Variants in ATP2A2 observed in about 807,000 individuals in gnomAD.
ATP2A2 encodes ATPase sarcoplasmic/endoplasmic reticulum Ca2+ transporting 2.
Under a neutral mutation model 109.3 loss-of-function variants are expected in ATP2A2, and 14 were observed. The ratio of observed to expected loss-of-function variants is 0.13; its 90% CI spans 0.08 to 0.20. The LOEUF (loss-of-function observed/expected upper bound fraction) is 0.20, where lower values mean the gene tolerates loss of function less well. ATP2A2 is among the 10% of genes least tolerant of loss of function. The pLI, the probability that ATP2A2 is intolerant of heterozygous loss-of-function variation, is 1.00. For missense variants in ATP2A2, 657 were observed against 1,321.6 expected (o/e 0.50, Z 7.80); for synonymous variants, 506 against 490.9 (o/e 1.03, Z -0.41).
intron 5 of ATP2A2, among the ~76,000 whole-genome samples, chr12:110,299,191 C>T (rs368246698): frequency 1.3e-5 from 2 of 151,830 alleles, no homozygotes; most frequent in East Asian, 2.0e-4. Context: ...AGGCTGGTCT[C>T]TCAAACTCCT....
intron 16 of ATP2A2, among the ~76,000 whole-genome samples, chr12:110,344,435 C>G (rs1301504526): frequency 4.6e-5 from 7 of 152,178 alleles, no homozygotes; most frequent in Non-Finnish European, 1.0e-4. Context: ...CCCTAGAAAA[C>G]TGCTGCTGGG....
chr12:110,321,496 AGTCTCGCTCT>A (rs1877240217), intron 5 of ATP2A2, among the ~76,000 whole-genome samples: 1 of 152,180 alleles, frequency 6.6e-6, no homozygotes, highest in African/African-American at 2.4e-5. Flanking sequence ...TTTGAGACAA[AGTCTCGCTCT>A]GTCTCCAAAG....
intron 5 of ATP2A2, among the ~76,000 whole-genome samples, chr12:110,301,995 C>T (rs1176221096): frequency 1.3e-5 from 2 of 152,124 alleles, no homozygotes; most frequent in Non-Finnish European, 2.9e-5. Context: ...ACTGAAATTT[C>T]ATTTTCTATA....
At chr12:110,318,700 C>G (rs888744481) in intron 5 of ATP2A2, among the ~76,000 whole-genome samples, 5 of 152,202 alleles carry the variant, frequency 3.3e-5, no homozygotes, top group African/African-American at 1.2e-4. Flanking sequence ...TCTTGAACTC[C>G]TGACCTCAGG....
chr12:110,326,802 T>G (rs956726946), intron 7 of ATP2A2, among the ~76,000 whole-genome samples: 4 of 152,206 alleles, frequency 2.6e-5, no homozygotes, highest in African/African-American at 9.6e-5. Flanking sequence ...CAGCTGCTAT[T>G]TGTATGTGGT....
At position 110,342,419 on chromosome 12, in the gene ATP2A2, C is replaced by T; in HGVS notation, c.2289C>T (p.Leu763=). The T allele has an allele frequency of 1.2e-6, 2 of 1,613,944 alleles. No homozygotes were observed. The highest frequency in any genetic ancestry group is 1.7e-6 in the Non-Finnish European group (2 of 1,180,042). ...ACATGAAACAGTTCATCCGCTACCTCATCTCGTCCAACGTCGGGGAAGTTG... is the reference window on the plus strand; with the variant it reads ...ACATGAAACAGTTCATCCGCTACCTTATCTCGTCCAACGTCGGGGAAGTTG... The part of the protein sequence containing the change: ...YNNMKQFIRY[L]ISSNVGEVVC... Residue 763 remains leucine (L), a synonymous_variant, in exon 15 of 20, where the codon CTC becomes CTT. Coordinates refer to ENST00000539276, the MANE Select transcript of ATP2A2 (RefSeq NM_170665.4). The surrounding 1 kb of genome is among the most constrained non-coding windows in gnomAD (Gnocchi z 4.6).
chr12:110,316,600 T>A (rs187587831), intron 5 of ATP2A2, among the ~76,000 whole-genome samples: 15 of 152,286 alleles, frequency 9.8e-5, no homozygotes, highest in Non-Finnish European at 1.9e-4. Context: ...GGTATAGTGG[T>A]AGGGCTAGGA....
At chr12:110,288,101 CTTTTTTTTTTT>C (rs71083111) in intron 3 of ATP2A2, among the ~76,000 whole-genome samples, 3 of 87,300 alleles carry the variant, frequency 3.4e-5, no homozygotes, top group African/African-American at 1.1e-4. Flanking sequence ...ATGCTTTGCC[CTTTTTTTTTTT>C]TTTTTTTTTT....
At chr12:110,291,128 G>A (rs1330689795) in intron 3 of ATP2A2, among the ~76,000 whole-genome samples, 2 of 151,764 alleles carry the variant, frequency 1.3e-5, no homozygotes, top group Non-Finnish European at 2.9e-5. Flanking sequence ...GGCTGGTCTC[G>A]AGCTCCAGAC....
rs1462645113 is a variant in ATP2A2, at chr12:110,327,621, C to A, written c.699C>A (p.Gly233=). ...VVATGVNTEI[G]KIRDEMVATE... ...CAACTGGAGTTAACACCGAAATTGG[C>A]AAGATCCGGGATGAAATGGTGGCAA... is the stretch of plus-strand genomic sequence containing the variant. Residue 233 remains glycine, a synonymous_variant, in exon 8 of 20, where the codon GGC becomes GGA. Transcript: ENST00000539276. This position sits in a 1 kb window ranked among gnomAD's most constrained non-coding sequence, Gnocchi z 4.4. The A allele has an allele frequency of 6.2e-7, 1 of 1,614,000 alleles. No homozygotes were observed. Among genetic ancestry groups the A allele is most frequent in the Non-Finnish European group, 8.5e-7 (1 of 1,180,020 alleles).
intron 4 of ATP2A2, among the ~76,000 whole-genome samples, chr12:110,294,615 C>G (rs762154516): frequency 6.6e-6 from 1 of 151,958 alleles, no homozygotes; most frequent in Non-Finnish European, 1.5e-5. Context: ...TGCCACTGCA[C>G]TCGAGCCTGG....
In ATP2A2 at chr12:110,346,266, C is replaced by T. The variant is rs147558863; in HGVS notation, c.2925C>T (p.Pro975=). 6.1e-5 allele frequency: 99 copies of T among 1,614,136 alleles called. 1 individual carries two copies. The Admixed American group carries it at 9.5e-4, about 15-fold the overall frequency. Residue 975 remains proline, a synonymous_variant, in exon 20 of 20, where the codon CCC becomes CCT. Coordinates refer to ENST00000539276, the MANE Select transcript of ATP2A2 (RefSeq NM_170665.4). ...QWLMVLKISL[P]VILMDETLKF... ...TGATGGTGCTGAAAATCTCCTTGCC[C>T]GTGATTCTCATGGATGAGACGCTCA...
At chr12:110,294,001 C>T (rs893720343) in intron 4 of ATP2A2, among the ~76,000 whole-genome samples, 7 of 150,280 alleles carry the variant, frequency 4.7e-5, no homozygotes, top group African/African-American at 1.7e-4. Flanking sequence ...CTCAGCTTCC[C>T]GAGTAGCTGG....
intron 5 of ATP2A2, among the ~76,000 whole-genome samples, chr12:110,313,310 C>CTTTTTTTTTT (rs748790705): frequency 8.8e-6 from 1 of 113,202 alleles, no homozygotes. Context: ...ACCACCTTTC[C>CTTTTTTTTTT]TTTTTTTTTT....
At chr12:110,316,172 G>A (rs925662207) in intron 5 of ATP2A2, among the ~76,000 whole-genome samples, 3 of 152,202 alleles carry the variant, frequency 2.0e-5, no homozygotes, top group African/African-American at 7.2e-5. Context: ...AGTTCTCTTT[G>A]GTACCCAGAT....
intron 5 of ATP2A2, 132 bp downstream of exon 5, chr12:110,296,869 C>T: frequency 9.6e-7 from 1 of 1,041,740 alleles, no homozygotes; most frequent in East Asian, 2.6e-5. Context: ...GCCATTCATA[C>T]AAATCCTACA....
intron 5 of ATP2A2, among the ~76,000 whole-genome samples, chr12:110,311,659 A>G (rs1169953908): frequency 6.7e-6 from 1 of 149,432 alleles, no homozygotes; most frequent in East Asian, 1.9e-4. Flanking sequence ...GCGTCCAGCT[A>G]ATATTTTGGG....
At chr12:110,319,914 ATACT>A (rs1332170437) in intron 5 of ATP2A2, among the ~76,000 whole-genome samples, 7 of 152,168 alleles carry the variant, frequency 4.6e-5, no homozygotes, top group African/African-American at 1.7e-4. Context: ...CTCAAGGGAA[ATACT>A]TACTGGAGCA....
intron 4 of ATP2A2, among the ~76,000 whole-genome samples, chr12:110,294,045 G>GT (rs1420298854): frequency 3.4e-5 from 5 of 148,776 alleles, no homozygotes; most frequent in South Asian, 2.2e-4. Flanking sequence ...CCTGGCTGTT[G>GT]TTTTTTTTGT....
Sources: allele counts gnomAD v4.1 joint callset (sites outside exome capture counted in the v4.1 genomes callset), GRCh38; gene constraint gnomAD v4.1.1; non-coding constraint Gnocchi (gnomAD v3.1); transcripts MANE v1.5; gene names NCBI Gene and HGNC (gene_info 2026-07-23, HGNC 2026-07-21).